Variants in PCDHGA11 observed in about 807,000 individuals in gnomAD.
PCDHGA11 encodes protocadherin gamma-A11.
Under a neutral mutation model 60.4 loss-of-function variants are expected in PCDHGA11, and 39 were observed. The observed-to-expected ratio is 0.65, with a 90% CI of 0.50 to 0.84. PCDHGA11 has a LOEUF of 0.84. Among genes scored for constraint, PCDHGA11 ranks in the 40% least tolerant of loss-of-function variants. The pLI is 0.00. For synonymous variants in PCDHGA11, 533 were observed against 510.3 expected (o/e 1.04, Z -0.60); for missense variants, 1,165 against 1,197.7 (o/e 0.97, Z 0.40).
chr5:141,463,041 G>C (rs1383781857), intron 1 of PCDHGA11, among the ~76,000 whole-genome samples: 1 of 152,114 alleles, frequency 6.6e-6, no homozygotes, highest in African/African-American at 2.4e-5. Flanking sequence ...TGAGTGTTCA[G>C]CAGGGTCTCT....
intron 1 of PCDHGA11, among the ~76,000 whole-genome samples, chr5:141,456,736 G>A (rs1339661302): frequency 1.3e-5 from 2 of 151,924 alleles, no homozygotes; most frequent in Non-Finnish European, 2.9e-5. Context: ...AGGCTGAGGC[G>A]GGAGCATCAT....
At chr5:141,474,215 A>G (rs1393533136) in intron 1 of PCDHGA11, among the ~76,000 whole-genome samples, 1 of 152,216 alleles carries the variant, frequency 6.6e-6, no homozygotes, top group East Asian at 1.9e-4. Context: ...CAAAAACCAG[A>G]TTGTGAATTA....
rs996153387 is a variant in PCDHGA11, at chr5:141,491,985, G to A, written c.2434-2822G>A. 24 of 743,298 alleles carry A rather than the reference G, an allele frequency of 3.2e-5. No homozygotes were observed. Among genetic ancestry groups the A allele is most frequent in the Non-Finnish European group, 4.5e-5 (22 of 494,254 alleles). 46.0% of individuals were successfully genotyped at this position (743,298 alleles called of 1,614,324 possible). On this transcript the variant is annotated intron_variant, in intron 1 of 3. Transcript: ENST00000398587. The surrounding 1 kb of genome is among the most constrained non-coding windows in gnomAD (Gnocchi z 6.9). ...AGGCCGGGGCCTCCTTCGAGCTTCC[G>A]GTGAATTTCGGGCGATTTCCGCGGG...
chr5:141,431,364 G>A lies in PCDHGA11; in HGVS notation c.2433+7704G>A. 1 of 1,614,010 alleles carries A rather than the reference G, an allele frequency of 6.2e-7. No homozygotes were observed. The highest frequency in any genetic ancestry group is 8.5e-7 in the Non-Finnish European group (1 of 1,180,022). On this transcript the variant is annotated intron_variant, in intron 1 of 3. Coordinates refer to ENST00000398587, the MANE Select transcript of PCDHGA11 (RefSeq NM_018914.3). This position sits in a 1 kb window ranked among gnomAD's most constrained non-coding sequence, Gnocchi z 4.8. ...TTGGTGCTGAAACGCGCCCTGGACCGCGAAGAAAAGGCTGCTCACCACCTG... is the reference window on the plus strand; with the variant it reads ...TTGGTGCTGAAACGCGCCCTGGACCACGAAGAAAAGGCTGCTCACCACCTG...
chr5:141,448,192 TACAAAC>T (rs2098573842), intron 1 of PCDHGA11, among the ~76,000 whole-genome samples: 1 of 152,188 alleles, frequency 6.6e-6, no homozygotes, highest in Non-Finnish European at 1.5e-5. Flanking sequence ...TATGTACACT[TACAAAC>T]ATTTTCTGTG....
rs199625514 is a variant in PCDHGA11 at position 141,485,144 on chromosome 5, G to C, written c.2434-9663G>C. The C allele has an allele frequency of 6.4e-7, 1 of 1,564,190 alleles. No homozygotes were observed. Among genetic ancestry groups the C allele is most frequent in the African/African-American group, 1.4e-5 (1 of 74,034 alleles). ...CGGGTCGGCTTCATCCGCGTCTCAG[G>C]AGCAAGTAGAGAATTAGCGGGCGGC... On this transcript the variant is annotated intron_variant, in intron 1 of 3. Coordinates refer to ENST00000398587, the MANE Select transcript of PCDHGA11 (RefSeq NM_018914.3). The surrounding 1 kb of genome is among the most constrained non-coding windows in gnomAD (Gnocchi z 5.7).
chr5:141,469,868 C>T (rs749624047), intron 1 of PCDHGA11, among the ~76,000 whole-genome samples: 6 of 152,228 alleles, frequency 3.9e-5, no homozygotes, highest in Non-Finnish European at 7.3e-5. Flanking sequence ...CAATGGCTCA[C>T]GCCTGTAATC....
chr5:141,506,061 G>A (rs1260513343), intron 3 of PCDHGA11, among the ~76,000 whole-genome samples: 2 of 152,144 alleles, frequency 1.3e-5, no homozygotes, highest in Non-Finnish European at 2.9e-5. Flanking sequence ...GGTTGACTAA[G>A]GGCTTCCTTT....
intron 1 of PCDHGA11, among the ~76,000 whole-genome samples, chr5:141,464,625 T>C (rs1477206347): frequency 6.6e-6 from 1 of 152,190 alleles, no homozygotes; most frequent in East Asian, 1.9e-4. Context: ...TGTCAAGCTT[T>C]TTAATTGTTG....
At chr5:141,484,966 G>A in intron 1 of PCDHGA11, 1 of 583,968 alleles carries the variant, frequency 1.7e-6, no homozygotes. Context: ...GAGCCCGGGA[G>A]CCGCTGTCTG....
chr5:141,477,857 C>T lies in PCDHGA11; in HGVS notation c.2434-16950C>T. ...AGGTGGGAGCTCGGTGGAGATGCTG[C>T]CTCGAGGTACCTCAGCTGGCCACCT... On this transcript the variant is annotated intron_variant, in intron 1 of 3. Transcript: ENST00000398587. The surrounding 1 kb of genome is among the most constrained non-coding windows in gnomAD (Gnocchi z 4.9). The T allele has an allele frequency of 6.2e-7, 1 of 1,613,574 alleles. No individual in the cohort carries two copies. The highest frequency in any genetic ancestry group is 8.5e-7 in the Non-Finnish European group (1 of 1,179,836).
chr5:141,502,862 C>T (rs2099816351), intron 2 of PCDHGA11, among the ~76,000 whole-genome samples: 1 of 68,558 alleles, frequency 1.5e-5, no homozygotes, highest in African/African-American at 1.0e-4. Context: ...CCCTGACTCT[C>T]TGTCTTTTTT....
chr5:141,432,715 C>T lies in PCDHGA11; in HGVS notation c.2433+9055C>T. 1 of 1,613,996 alleles carries T rather than the reference C, an allele frequency of 6.2e-7. No individual in the cohort carries two copies. The highest frequency in any genetic ancestry group is 8.5e-7 in the Non-Finnish European group (1 of 1,179,970). ...TGGCCGTCCAGGACCACGGCCAGCC[C>T]CCTCTCTCCGCCACTGTCACGCTCA... On this transcript the variant is annotated intron_variant, in intron 1 of 3. Transcript: ENST00000398587. This position sits in a 1 kb window ranked among gnomAD's most constrained non-coding sequence, Gnocchi z 6.0.
chr5:141,491,126 G>A lies in PCDHGA11; in HGVS notation c.2434-3681G>A, dbSNP rs768294944. 1.4e-5 allele frequency: 23 copies of A among 1,613,978 alleles called. No individual in the cohort carries two copies. In the East Asian group the frequency reaches 3.1e-4, roughly 22 times the overall value. On this transcript the variant is annotated intron_variant, in intron 1 of 3. Transcript: ENST00000398587. This position sits in a 1 kb window ranked among gnomAD's most constrained non-coding sequence, Gnocchi z 6.9. ...GTGTCTACACACACTGGTGAGGTGCGCACAGCCCGGGCCTTACTGGAGGAT... is the reference window on the plus strand; with the variant it reads ...GTGTCTACACACACTGGTGAGGTGCACACAGCCCGGGCCTTACTGGAGGAT...
At position 141,477,369 on chromosome 5, in the gene PCDHGA11, A is replaced by G; in HGVS notation, c.2434-17438A>G. The G allele has an allele frequency of 6.2e-7, 1 of 1,614,164 alleles. No individual in the cohort carries two copies. Among genetic ancestry groups the G allele is most frequent in the Non-Finnish European group, 8.5e-7 (1 of 1,180,026 alleles). ...AAAACCAGTGCAGACCTGGATCGGG[A>G]GACTGTGCCAGAATACAACCTCAGC... On this transcript the variant is annotated intron_variant, in intron 1 of 3. Transcript: ENST00000398587. The surrounding 1 kb of genome is among the most constrained non-coding windows in gnomAD (Gnocchi z 4.9).
chr5:141,511,598 A>C lies in PCDHGA11; in HGVS notation c.*425A>C. ...GGTTGGGGTGTTGAAGTACCAAGTA[A>C]CCTACAAGCCTCCTAGTTCTGAAAA... On this transcript the variant is annotated 3_prime_UTR_variant, in exon 4 of 4. Transcript: ENST00000398587. 3.9e-6 allele frequency: 1 copy of C among 255,742 alleles called. No individual in the cohort carries two copies. The highest frequency in any genetic ancestry group is 7.8e-6 in the Non-Finnish European group (1 of 127,952). The allele number at this position is 255,742 out of a possible 1,614,324, so 15.8% of individuals were successfully genotyped here.
rs539620413 is a variant in PCDHGA11, at chr5:141,488,489, G to GT, written c.2434-6317dup. Among the ~76,000 whole-genome samples the GT allele has an allele frequency of 1.6e-4, 25 of 152,268 alleles. No homozygotes were observed. In the South Asian group the frequency reaches 4.6e-3, roughly 28 times the overall value. On this transcript the variant is annotated intron_variant, in intron 1 of 3. Transcript: ENST00000398587. ...AGAAATGTTCCCCTACCCAAAAACT[G>GT]TAACACTCATTCCACATTTGGGGTC...
In PCDHGA11 at chr5:141,430,746, G is replaced by A. The variant is rs369205374; in HGVS notation, c.2433+7086G>A. ...TAAGGGCAGAATTGAAAATAATTCTGGAGGAAGATAAGAATGATTCCTGCG... is the reference window on the plus strand; with the variant it reads ...TAAGGGCAGAATTGAAAATAATTCTAGAGGAAGATAAGAATGATTCCTGCG... On this transcript the variant is annotated intron_variant, in intron 1 of 3. Coordinates refer to ENST00000398587, the MANE Select transcript of PCDHGA11 (RefSeq NM_018914.3). 3.3e-5 allele frequency: 49 copies of A among 1,500,684 alleles called. No homozygotes were observed. The African/African-American group carries it at 6.3e-4, about 19-fold the overall frequency. The allele number at this position is 1,500,684 out of a possible 1,614,324, so 93.0% of individuals were successfully genotyped here.
intron 3 of PCDHGA11, chr5:141,508,338 A>T (rs1245526252): frequency 1.3e-5 from 2 of 152,224 alleles, no homozygotes; most frequent in Non-Finnish European, 2.9e-5. Flanking sequence ...AACTGACTCT[A>T]CAGAAAGTCA....
Sources: allele counts gnomAD v4.1 joint callset (sites outside exome capture counted in the v4.1 genomes callset), GRCh38; gene constraint gnomAD v4.1.1; non-coding constraint Gnocchi (gnomAD v3.1); transcripts MANE v1.5; gene names NCBI Gene and HGNC (gene_info 2026-07-23, HGNC 2026-07-21).